Variants in PTPN12 observed in about 807,000 individuals in gnomAD.
PTPN12 encodes tyrosine-protein phosphatase non-receptor type 12.
Under a neutral mutation model 97.6 loss-of-function variants are expected in PTPN12, and 29 were observed. The ratio of observed to expected loss-of-function variants is 0.30; its 90% CI spans 0.22 to 0.41. PTPN12 has a LOEUF of 0.41. Among genes scored for constraint, PTPN12 ranks in the 10% least tolerant of loss-of-function variants. PTPN12 has a pLI of 1.00. For missense variants in PTPN12, 819 were observed against 926.0 expected (o/e 0.88, Z 1.50); for synonymous variants, 327 against 300.4 (o/e 1.09, Z -0.91).
chr7:77,611,526 C>T (rs1387861920), intron 11 of PTPN12, among the ~76,000 whole-genome samples: 2 of 152,192 alleles, frequency 1.3e-5, no homozygotes, highest in African/African-American at 4.8e-5. Flanking sequence ...CTCACTGCAA[C>T]CTCTACCTCC....
Position 77,626,992 on chromosome 7 carries a change from T to C in PTPN12, c.1313T>C (p.Ile438Thr). 1 of 1,609,598 alleles carries C rather than the reference T, an allele frequency of 6.2e-7. No individual in the cohort carries two copies. Among genetic ancestry groups the C allele is most frequent in the Non-Finnish European group, 8.5e-7 (1 of 1,178,636 alleles). ...TTGGAACGAAATTTAAGTTTTGAGA[T>C]TAAGAAGGTCCCTCTCCAAGAGGGA... is the stretch of plus-strand genomic sequence containing the variant. ...KKLERNLSFE[I>T]KKVPLQEGPK... is the part of the protein sequence containing the mutation. Residue 438 changes from isoleucine to threonine, a missense_variant, in exon 13 of 18, where the codon ATT (isoleucine) becomes ACT (threonine). Ile to Thr is a moderately conservative substitution (Grantham distance 89, BLOSUM62 -1). Transcript: ENST00000248594.
chr7:77,624,719 G>C (rs1486305000), intron 12 of PTPN12, among the ~76,000 whole-genome samples: 1 of 151,830 alleles, frequency 6.6e-6, no homozygotes, highest in Non-Finnish European at 1.5e-5. Context: ...GATTACAGGC[G>C]TGAGCCACCA....
At position 77,626,900 on chromosome 7, in the gene PTPN12, A is replaced by G. The variant is rs2151394832; in HGVS notation, c.1221A>G (p.Arg407=). 9 of 1,611,076 alleles carry G rather than the reference A, an allele frequency of 5.6e-6. No individual in the cohort carries two copies. Among genetic ancestry groups the G allele is most frequent in the Non-Finnish European group, 6.8e-6 (8 of 1,178,538 alleles). ...AACAACATTCAGCAGACCTCAACAG[A>G]AACTATAGTAAATCAACAGAACTTC... ...SSEQHSADLN[R]NYSKSTELPG... Residue 407 remains arginine, a synonymous_variant, in exon 13 of 18, where the codon AGA becomes AGG. Coordinates refer to ENST00000248594, the MANE Select transcript of PTPN12 (RefSeq NM_002835.4).
intron 11 of PTPN12, among the ~76,000 whole-genome samples, chr7:77,616,438 G>A (rs1384357512): frequency 6.6e-6 from 1 of 151,930 alleles, no homozygotes; most frequent in African/African-American, 2.4e-5. Flanking sequence ...AGTATCCTCT[G>A]CTTTGCTGAC....
At chr7:77,602,335 ATATATG>A (rs1226106968) in intron 8 of PTPN12, among the ~76,000 whole-genome samples, 1 of 152,248 alleles carries the variant, frequency 6.6e-6, no homozygotes, top group African/African-American at 2.4e-5. Flanking sequence ...ACATATGCAC[ATATATG>A]TATATGTATA....
chr7:77,598,265 C>G (rs11977106), intron 7 of PTPN12, among the ~76,000 whole-genome samples: 32,910 of 151,066 alleles, frequency 0.22, 4,617 homozygotes, highest in East Asian at 0.7. Flanking sequence ...GGGAGGGGAG[C>G]GTGGGCTGAA....
intron 13 of PTPN12, among the ~76,000 whole-genome samples, chr7:77,631,409 A>G (rs759816624): frequency 2.0e-5 from 3 of 152,246 alleles, no homozygotes; most frequent in Non-Finnish European, 4.4e-5. Context: ...GCAGAGTATC[A>G]TGGCAGAACT....
intron 1 of PTPN12, among the ~76,000 whole-genome samples, chr7:77,567,482 C>G (rs1390872347): frequency 6.6e-6 from 1 of 151,842 alleles, no homozygotes; most frequent in East Asian, 1.9e-4. Flanking sequence ...CACCAACAAG[C>G]AAAGAAAAAG....
chr7:77,629,439 CTA>C (rs1789319888), intron 13 of PTPN12, among the ~76,000 whole-genome samples: 1 of 151,900 alleles, frequency 6.6e-6, no homozygotes, highest in African/African-American at 2.4e-5. Flanking sequence ...CCAGCTGTAA[CTA>C]TATAAGAAAA....
intron 1 of PTPN12, among the ~76,000 whole-genome samples, chr7:77,555,876 T>C (rs1341559800): frequency 1.3e-5 from 2 of 151,310 alleles, no homozygotes; most frequent in Non-Finnish European, 2.9e-5. Flanking sequence ...GATCACACCA[T>C]TGCACTCCAG....
chr7:77,545,749 C>G (rs923293720), intron 1 of PTPN12: 4 of 152,182 alleles, frequency 2.6e-5, no homozygotes, highest in Middle Eastern at 3.4e-3. Flanking sequence ...CCAGAACCTT[C>G]TTAACATAAT....
intron 8 of PTPN12, chr7:77,604,967 C>T: frequency 3.1e-6 from 1 of 318,062 alleles, no homozygotes; most frequent in Non-Finnish European, 6.5e-6. Context: ...CAGATCTGTT[C>T]CTGAACTTTC....
chr7:77,609,006 G>A (rs549095283), intron 9 of PTPN12, among the ~76,000 whole-genome samples: 51 of 152,226 alleles, frequency 3.4e-4, no homozygotes, highest in South Asian at 6.2e-4. Flanking sequence ...GATCACCTGA[G>A]GTCAGGAGTT....
intron 1 of PTPN12, among the ~76,000 whole-genome samples, chr7:77,542,500 A>G (rs896370363): frequency 1.3e-5 from 2 of 152,214 alleles, no homozygotes; most frequent in Non-Finnish European, 2.9e-5. Flanking sequence ...AGCTGTTGAA[A>G]TATAAGAAGT....
chr7:77,571,176 C>T lies in PTPN12; in HGVS notation c.198C>T (p.Asp66=). ...ATGTTAAAAAGAACAGATACAAGGA[C>T]ATACTGCCATGTAAGTTGGAAATGC... ...EENVKKNRYK[D]ILPFDHSRVK... Residue 66 remains aspartate (D), a synonymous_variant, in exon 2 of 18, where the codon GAC becomes GAT. Transcript: ENST00000248594. The T allele has an allele frequency of 6.3e-7, 1 of 1,581,928 alleles. No homozygotes were observed.
chr7:77,539,786 G>A (rs1210970399), intron 1 of PTPN12, among the ~76,000 whole-genome samples: 1 of 152,056 alleles, frequency 6.6e-6, no homozygotes, highest in Admixed American at 6.5e-5. Context: ...GTGCCACCAC[G>A]CCCGGCTAAT....
rs1011000795 is a variant in PTPN12, at chr7:77,584,922, T to C, written c.382-621T>C. 2.6e-5 allele frequency among the ~76,000 whole-genome samples: 4 copies of C among 152,014 alleles called. No homozygotes were observed. The South Asian group carries it at 6.2e-4, about 24-fold the overall frequency. On this transcript the variant is annotated intron_variant, in intron 4 of 17. Coordinates refer to ENST00000248594, the MANE Select transcript of PTPN12 (RefSeq NM_002835.4). Reference sequence around the variant, plus strand: ...ATTGTGTTCTAGATAATAATATGCATGCTGAAGTATTTTGGGGAGAGTGTA... The same window carrying C: ...ATTGTGTTCTAGATAATAATATGCACGCTGAAGTATTTTGGGGAGAGTGTA...
intron 9 of PTPN12, among the ~76,000 whole-genome samples, chr7:77,609,921 T>C (rs1316683402): frequency 6.6e-6 from 1 of 151,216 alleles, no homozygotes; most frequent in African/African-American, 2.4e-5. Context: ...AATCTTATGA[T>C]GTATATAAGG....
At chr7:77,597,578 T>C (rs1788061065) in intron 6 of PTPN12, among the ~76,000 whole-genome samples, 1 of 152,228 alleles carries the variant, frequency 6.6e-6, no homozygotes, top group Admixed American at 6.5e-5. Flanking sequence ...GTATCTATAC[T>C]TATTAATGGG....
Sources: allele counts gnomAD v4.1 joint callset (sites outside exome capture counted in the v4.1 genomes callset), GRCh38; gene constraint gnomAD v4.1.1; transcripts MANE v1.5; gene names NCBI Gene and HGNC (gene_info 2026-07-23, HGNC 2026-07-21).